HACD2: variants seen among roughly 807,000 people sequenced by gnomAD.
The protein encoded by HACD2 is 3-hydroxyacyl-CoA dehydratase 2, also known as very-long-chain (3R)-3-hydroxyacyl-CoA dehydratase 2.
Under a neutral mutation model 31.0 loss-of-function variants are expected in HACD2, and 15 were observed. The ratio of observed to expected loss-of-function variants is 0.48; its 90% CI spans 0.32 to 0.75. HACD2 has a LOEUF of 0.75. Among genes scored for constraint, HACD2 ranks in the 30% least tolerant of loss-of-function variants. The pLI, the probability that HACD2 is intolerant of heterozygous loss-of-function variation, is 0.03. For missense variants in HACD2, 283 were observed against 313.0 expected, an observed-to-expected ratio of 0.90 and a Z score of 0.72; for synonymous variants, 115 against 122.2, an observed-to-expected ratio of 0.94 and a Z score of 0.39.
chr3:123,561,864 T>C (rs568615444), intron 3 of HACD2, among the ~76,000 whole-genome samples: 13 of 152,042 alleles, frequency 8.6e-5, no homozygotes, highest in South Asian at 2.1e-4. Flanking sequence ...CAGGCTGGAG[T>C]GCAGAGGCAC....
chr3:123,515,806 A>AGT (rs1244409198), intron 4 of HACD2, among the ~76,000 whole-genome samples: 1 of 151,918 alleles, frequency 6.6e-6, no homozygotes, highest in Non-Finnish European at 1.5e-5. Context: ...CCCAGGCTGC[A>AGT]GTGCAGTGGC....
Position 123,508,281 on chromosome 3 carries a change from T to A in HACD2, c.382-5600A>T, listed in dbSNP as rs1386206436. Among the ~76,000 whole-genome samples, 8 of 152,312 alleles carry A rather than the reference T, an allele frequency of 5.3e-5. No homozygotes were observed. The South Asian group carries it at 1.7e-3, about 32-fold the overall frequency. On this transcript the variant is annotated intron_variant, in intron 4 of 6. Transcript: ENST00000383657. ...TTTGCCTGGCACAGTGAGCTGTGTA[T>A]TGGATACTCCATGCTGCAGACGGAA...
At chr3:123,583,737 G>A (rs2056990959) in intron 1 of HACD2, among the ~76,000 whole-genome samples, 1 of 152,144 alleles carries the variant, frequency 6.6e-6, no homozygotes, top group Non-Finnish European at 1.5e-5. Context: ...AGGGATAGGG[G>A]GATGTATAAA....
intron 3 of HACD2, among the ~76,000 whole-genome samples, chr3:123,567,254 T>G (rs2626025): frequency 0.42 from 64,277 of 152,034 alleles, 16,662 homozygotes; most frequent in African/African-American, 0.74. Flanking sequence ...AAAAGGAAAA[T>G]AAAACATATT....
chr3:123,584,781 CGGGCCGCGCCG>C, intron 1 of HACD2, 81 bp downstream of exon 1: 1 of 1,046,040 alleles, frequency 9.6e-7, no homozygotes, highest in Middle Eastern at 3.3e-4. Context: ...CTGCCTGCGG[CGGGCCGCGCCG>C]ATCCTATCCG....
chr3:123,497,175 G>A (rs1023363467), intron 6 of HACD2, among the ~76,000 whole-genome samples: 4 of 152,246 alleles, frequency 2.6e-5, no homozygotes, highest in African/African-American at 7.2e-5. Context: ...ACCCGACCAT[G>A]AGACTGAAAG....
At chr3:123,578,341 G>A (rs1006102494) in intron 2 of HACD2, among the ~76,000 whole-genome samples, 4 of 152,090 alleles carry the variant, frequency 2.6e-5, no homozygotes, top group Admixed American at 6.5e-5. Flanking sequence ...CACGATCATG[G>A]CTCACTGTAG....
intron 3 of HACD2, among the ~76,000 whole-genome samples, chr3:123,553,847 T>C (rs2107733961): frequency 6.6e-6 from 1 of 152,118 alleles, no homozygotes; most frequent in African/African-American, 2.4e-5. Flanking sequence ...TCTGTCAGGA[T>C]CCATGAAATG....
At chr3:123,549,502 C>G (rs1559923474) in intron 3 of HACD2, among the ~76,000 whole-genome samples, 1 of 152,170 alleles carries the variant, frequency 6.6e-6, no homozygotes, top group Non-Finnish European at 1.5e-5. Flanking sequence ...AATCCCAGCA[C>G]TTTGGGAAGT....
chr3:123,494,947 T>C lies in HACD2; in HGVS notation c.706A>G (p.Met236Val). The C allele has an allele frequency of 6.4e-7, 1 of 1,558,382 alleles. No individual in the cohort carries two copies. The highest frequency in any genetic ancestry group is 8.7e-7 in the Non-Finnish European group (1 of 1,149,936). The change falls in exon 7 of 7, where the codon ATG becomes GTG. Residue 236 changes from methionine to valine, a missense_variant. By Grantham distance (21) the Met-to-Val change is conservative. Coordinates refer to ENST00000383657, the MANE Select transcript of HACD2 (RefSeq NM_198402.5). The part of the protein sequence containing the change: ...IPIFPQLYFH[M>V]IHQRRKILSH... ...AGGATCTTTCTTCTCTGGTGTATCA[T>C]GTGGAAGTATAACTGGGGAAAAACT...
intron 5 of HACD2, among the ~76,000 whole-genome samples, chr3:123,501,198 T>C (rs1329128342): frequency 2.0e-5 from 3 of 152,234 alleles, no homozygotes; most frequent in Admixed American, 1.3e-4. Context: ...GTACATGCTA[T>C]TGTGAAAAAT....
At chr3:123,520,891 C>G (rs1015821184) in intron 4 of HACD2, among the ~76,000 whole-genome samples, 4 of 152,190 alleles carry the variant, frequency 2.6e-5, no homozygotes, top group African/African-American at 9.7e-5. Flanking sequence ...GCCTGGAAAT[C>G]TCGTGTGCTT....
chr3:123,497,298 CCAATT>C (rs1205341059), intron 6 of HACD2, among the ~76,000 whole-genome samples: 2 of 152,188 alleles, frequency 1.3e-5, no homozygotes, highest in African/African-American at 4.8e-5. Flanking sequence ...TTCTGCTGTC[CCAATT>C]CAGGGAACAC....
chr3:123,513,170 A>G (rs1441549425), intron 4 of HACD2, among the ~76,000 whole-genome samples: 4 of 152,242 alleles, frequency 2.6e-5, no homozygotes, highest in Non-Finnish European at 5.9e-5. Context: ...ATAATAGACT[A>G]TAACCCATTG....
intron 3 of HACD2, among the ~76,000 whole-genome samples, chr3:123,545,453 G>T (rs548837423): frequency 6.8e-6 from 1 of 147,246 alleles, no homozygotes; most frequent in African/African-American, 2.5e-5. Flanking sequence ...CTGCACTCCG[G>T]CCTGGGCAAC....
intron 4 of HACD2, among the ~76,000 whole-genome samples, chr3:123,525,648 G>T (rs780310512): frequency 5.3e-5 from 8 of 152,292 alleles, no homozygotes; most frequent in South Asian, 4.1e-4. Flanking sequence ...CAGGGCAGAG[G>T]GGGTGGAGCA....
chr3:123,525,393 A>G (rs2056268121), intron 4 of HACD2, among the ~76,000 whole-genome samples: 1 of 152,198 alleles, frequency 6.6e-6, no homozygotes, highest in African/African-American at 2.4e-5. Context: ...ATCCTTACAC[A>G]TAAGAGAAAA....
At chr3:123,504,882 T>C (rs1000994423) in intron 4 of HACD2, among the ~76,000 whole-genome samples, 3 of 3,760 alleles carry the variant, frequency 8.0e-4, no homozygotes, top group Non-Finnish European at 1.6e-3. Flanking sequence ...TAACTCAAAA[T>C]GGACAAATGC....
In HACD2 at chr3:123,493,847, A is replaced by ACTTTT. The variant is rs2055798087; in HGVS notation, c.*1040_*1041insAAAAG. 2 of 152,108 alleles carry ACTTTT rather than the reference A, an allele frequency of 1.3e-5. No individual in the cohort carries two copies. The highest frequency in any genetic ancestry group is 4.8e-5 in the African/African-American group (2 of 41,384). The allele number at this position is 152,108 out of a possible 1,614,324, so 9.4% of individuals were successfully genotyped here. On this transcript the variant is annotated 3_prime_UTR_variant, in exon 7 of 7. Coordinates refer to ENST00000383657, the MANE Select transcript of HACD2 (RefSeq NM_198402.5). ...TAGCTTGGTGGAAATTAACATAGGA[A>ACTTTT]GTTAATTAGCAAAAGTATCCAAACA...
Sources: gnomAD v4.1 joint callset for allele counts (sites outside exome capture counted in the v4.1 genomes callset) on GRCh38, gnomAD v4.1.1 for gene constraint, MANE v1.5 for transcripts, NCBI Gene and HGNC (gene_info 2026-07-23, HGNC 2026-07-21) for gene names.